Variants in DMD observed in about 807,000 individuals in gnomAD.
The protein encoded by DMD is dystrophin.
A neutral mutation model predicts 330.1 loss-of-function variants in DMD; 63 were observed. That is an observed-to-expected ratio of 0.19 (90% CI 0.16 to 0.24). The LOEUF (loss-of-function observed/expected upper bound fraction) is 0.24, where lower values mean the gene tolerates loss of function less well. Among genes scored for constraint, DMD ranks in the 10% least tolerant of loss-of-function variants. The pLI, the probability that DMD is intolerant of heterozygous loss-of-function variation, is 1.00. For missense variants in DMD, 3,344 were observed against 2,684.1 expected, an observed-to-expected ratio of 1.25 and a Z score of -5.43; for synonymous variants, 1,223 against 959.8, an observed-to-expected ratio of 1.27 and a Z score of -5.07.
intron 61 of DMD, among the ~76,000 whole-genome samples, chrX:31,327,574 C>T (rs2056862035): frequency 8.9e-6 from 1 of 111,817 alleles, no homozygotes; most frequent in African/African-American, 3.3e-5. Context: ...AACACAAATA[C>T]CTTCATTCAT....
chrX:31,660,332 A>G (rs4829111), intron 53 of DMD, among the ~76,000 whole-genome samples: 32,946 of 111,437 alleles, frequency 0.3, 3,638 homozygotes, highest in East Asian at 0.41. Context: ...CTTCTGAGGG[A>G]ACTTCTGCCA....
chrX:32,857,293 T>A (rs2081656352), intron 2 of DMD, among the ~76,000 whole-genome samples: 2 of 112,278 alleles, frequency 1.8e-5, no homozygotes, highest in African/African-American at 6.5e-5. Context: ...AACAGTGCCA[T>A]TTTAATGAAA....
At chrX:32,431,268 G>A (rs926051066) in intron 29 of DMD, among the ~76,000 whole-genome samples, 3 of 111,244 alleles carry the variant, frequency 2.7e-5, no homozygotes, top group Non-Finnish European at 3.8e-5. Flanking sequence ...CATTCTAACA[G>A]ATGTGAAGAC....
At chrX:31,624,320 G>A (rs2078721153) in intron 55 of DMD, among the ~76,000 whole-genome samples, 1 of 111,838 alleles carries the variant, frequency 8.9e-6, no homozygotes, top group African/African-American at 3.2e-5. Flanking sequence ...AGGAAAGTGA[G>A]TTACACCTTT....
chrX:32,445,411 C>A, intron 27 of DMD, among the ~76,000 whole-genome samples: 1 of 111,011 alleles, frequency 9.0e-6, no homozygotes, highest in East Asian at 2.8e-4. Flanking sequence ...GACAGTAGAT[C>A]TGTATCCAGA....
At chrX:31,324,864 AG>A (rs1210974082) in intron 61 of DMD, among the ~76,000 whole-genome samples, 4 of 112,264 alleles carry the variant, frequency 3.6e-5, no homozygotes, top group Non-Finnish European at 7.5e-5. Context: ...TTCTAATAAA[AG>A]TTAACTTCAC....
chrX:32,862,198 A>C (rs1202066022), intron 2 of DMD, among the ~76,000 whole-genome samples: 1 of 112,344 alleles, frequency 8.9e-6, no homozygotes, highest in African/African-American at 3.2e-5. Flanking sequence ...CCTTGCAGCT[A>C]GCAAGTGTTC....
chrX:32,554,886 A>G (rs867200987), intron 16 of DMD, among the ~76,000 whole-genome samples: 2 of 19,492 alleles, frequency 1.0e-4, no homozygotes, highest in African/African-American at 8.3e-4. Context: ...AAGAAGAAAG[A>G]AAGAAAGAAA....
At chrX:33,074,540 G>A (rs4573438) in intron 1 of DMD, among the ~76,000 whole-genome samples, 15,307 of 110,314 alleles carry the variant, frequency 0.14, 1,311 homozygotes, top group African/African-American at 0.32. Context: ...AGTATTGAGA[G>A]GGGAGGCCTT....
chrX:32,432,792 A>C (rs748263714), intron 29 of DMD, among the ~76,000 whole-genome samples: 1 of 112,331 alleles, frequency 8.9e-6, no homozygotes, highest in Non-Finnish European at 1.9e-5. Flanking sequence ...TCCTTCAAGC[A>C]ATGTTCTTCC....
chrX:31,867,282 AT>A (rs1418123409), intron 48 of DMD, among the ~76,000 whole-genome samples: 4 of 108,656 alleles, frequency 3.7e-5, no homozygotes, highest in Non-Finnish European at 7.6e-5. Context: ...ACCTGTGTTG[AT>A]TTTGTATGTC....
chrX:31,729,500 G>A (rs1402913413), intron 52 of DMD, 131 bp downstream of exon 52: 1 of 577,684 alleles, frequency 1.7e-6, no homozygotes, highest in Admixed American at 2.3e-5. Context: ...GAAAATCTCA[G>A]CACAATTGTT....
intron 59 of DMD, 92 bp from the exon 60 acceptor site, chrX:31,444,719 C>T (rs1213144299): frequency 1.0e-6 from 1 of 962,655 alleles, no homozygotes; most frequent in East Asian, 3.1e-5. Context: ...GGGTGCAGTG[C>T]CAGTAATGTT....
At chrX:31,491,134 G>A (rs888074146) in intron 57 of DMD, among the ~76,000 whole-genome samples, 1 of 112,004 alleles carries the variant, frequency 8.9e-6, no homozygotes, top group African/African-American at 3.2e-5. Flanking sequence ...TTAATTGAAA[G>A]ATGAAAACCT....
chrX:32,928,236 C>CT (rs1171463227), intron 2 of DMD, among the ~76,000 whole-genome samples: 2 of 110,246 alleles, frequency 1.8e-5, no homozygotes, highest in African/African-American at 6.6e-5. Context: ...ATAAGAACCC[C>CT]TTTTTTTAAT....
At chrX:31,510,892 C>T (rs1276567366) in intron 55 of DMD, among the ~76,000 whole-genome samples, 2 of 111,598 alleles carry the variant, frequency 1.8e-5, no homozygotes, top group Middle Eastern at 4.6e-3. Flanking sequence ...AAAAGGTCTC[C>T]TTTCTGCAAA....
At position 32,827,056 on chromosome X, in the gene DMD, A is replaced by ACCCCCCCCCCCCC. The variant is rs1174768674; in HGVS notation, c.265-3670_265-3669insGGGGGGGGGGGGG. Among the ~76,000 whole-genome samples the ACCCCCCCCCCCCC allele has an allele frequency of 8.3e-5, 5 of 59,903 alleles. 1 individual carries two copies. Among genetic ancestry groups the ACCCCCCCCCCCCC allele is most frequent in the African/African-American group, 4.0e-4 (5 of 12,505 alleles). The allele number at this position is 59,903 out of a possible 115,157, so 52.0% of individuals were successfully genotyped here. A position where few individuals can be genotyped will look rare whatever the true frequency, so the allele number is the denominator to read the frequency against. On this transcript the variant is annotated intron_variant, in intron 4 of 78. Coordinates refer to ENST00000357033, the MANE Select transcript of DMD (RefSeq NM_004006.3). ...AATAAGTCATTGGAACACACATCGC[A>ACCCCCCCCCCCCC]CCCCCCCCCCACACACACACACACA...
intron 29 of DMD, among the ~76,000 whole-genome samples, chrX:32,428,429 T>C (rs2098222156): frequency 8.9e-6 from 1 of 111,764 alleles, no homozygotes; most frequent in African/African-American, 3.3e-5. Context: ...GGGTTCTCTA[T>C]ACAGTCTTTA....
At chrX:32,837,750 G>GA (rs764133729) in intron 4 of DMD, among the ~76,000 whole-genome samples, 1 of 111,898 alleles carries the variant, frequency 8.9e-6, no homozygotes, top group South Asian at 3.7e-4. Flanking sequence ...AACTGAAAAT[G>GA]AAAATGCTTT....
Sources: gnomAD v4.1 joint callset for allele counts (sites outside exome capture counted in the v4.1 genomes callset) on GRCh38, gnomAD v4.1.1 for gene constraint, MANE v1.5 for transcripts, NCBI Gene and HGNC (gene_info 2026-07-23, HGNC 2026-07-21) for gene names.